ATP8A2: variants seen among roughly 807,000 people sequenced by gnomAD.
ATP8A2 encodes phospholipid-transporting ATPase IB.
ATP8A2 carries 100 observed loss-of-function variants against 165.6 expected under a neutral mutation model. That is an observed-to-expected ratio of 0.60 (90% CI 0.51 to 0.71). ATP8A2 has a LOEUF of 0.71. Among genes scored for constraint, ATP8A2 ranks in the 30% least tolerant of loss-of-function variants. ATP8A2 has a pLI of 0.00. For missense variants in ATP8A2, 1,227 were observed against 1,479.5 expected (o/e 0.83, Z 2.80); for synonymous variants, 543 against 548.8 (o/e 0.99, Z 0.15).
chr13:25,383,959 G>A (rs2032946710), intron 1 of ATP8A2, among the ~76,000 whole-genome samples: 1 of 152,058 alleles, frequency 6.6e-6, no homozygotes, highest in Non-Finnish European at 1.5e-5. Context: ...GTGCTTCCTT[G>A]GGTTTTATTC....
chr13:25,751,086 T>G (rs548728857), intron 25 of ATP8A2, among the ~76,000 whole-genome samples: 2 of 152,338 alleles, frequency 1.3e-5, no homozygotes, highest in Non-Finnish European at 2.9e-5. Context: ...CAAATGTGAT[T>G]TATTTGGTGG....
intron 15 of ATP8A2, among the ~76,000 whole-genome samples, chr13:25,562,267 G>A (rs1296751266): frequency 6.6e-6 from 1 of 152,114 alleles, no homozygotes; most frequent in Non-Finnish European, 1.5e-5. Flanking sequence ...CTTTCTCCAC[G>A]TCCTTGCCAA....
rs145419737 is a variant in ATP8A2 at position 25,967,286 on chromosome 13, G to A, written c.3273-1289G>A. On this transcript the variant is annotated intron_variant, in intron 34 of 36. Coordinates refer to ENST00000381655, the MANE Select transcript of ATP8A2 (RefSeq NM_016529.6). ...ACACTGTTTGATGGAATTAAGTAAG[G>A]TATTATGTGTTAAAGCCTGTGTGGC... is the stretch of plus-strand genomic sequence containing the variant. Among the ~76,000 whole-genome samples, 545 of 152,276 alleles carry A rather than the reference G, an allele frequency of 3.6e-3. 6 individuals carry two copies. The highest frequency in any genetic ancestry group is 0.012 in the African/African-American group (518 of 41,554).
intron 2 of ATP8A2, among the ~76,000 whole-genome samples, chr13:25,523,648 G>A (rs2037741781): frequency 6.6e-6 from 1 of 152,010 alleles, no homozygotes; most frequent in Non-Finnish European, 1.5e-5. Context: ...TGATTTGTTG[G>A]TGCATAATTG....
At chr13:25,756,644 T>C (rs1326115) in intron 25 of ATP8A2, among the ~76,000 whole-genome samples, 20,720 of 152,204 alleles carry the variant, frequency 0.14, 1,539 homozygotes, top group East Asian at 0.22. Context: ...TCAATCTTTC[T>C]GAGCTGGGTT....
chr13:25,883,166 C>A (rs577345830), intron 33 of ATP8A2, among the ~76,000 whole-genome samples: 1 of 152,156 alleles, frequency 6.6e-6, no homozygotes, highest in Admixed American at 6.5e-5. Flanking sequence ...GCCATTCACC[C>A]TCAGCTCCCC....
intron 24 of ATP8A2, among the ~76,000 whole-genome samples, chr13:25,648,480 G>T (rs114801382): frequency 6.6e-6 from 1 of 152,154 alleles, no homozygotes; most frequent in East Asian, 1.9e-4. Context: ...CCTGGCCAAC[G>T]TAGTGAAACC....
intron 25 of ATP8A2, chr13:25,705,149 C>G (rs1179966903): frequency 2.3e-6 from 1 of 431,408 alleles, no homozygotes; most frequent in Non-Finnish European, 4.6e-6. Flanking sequence ...CTCATTTTCC[C>G]TTTTTCTTTG....
intron 1 of ATP8A2, among the ~76,000 whole-genome samples, chr13:25,440,550 C>T (rs549235939): frequency 6.6e-6 from 1 of 152,114 alleles, no homozygotes; most frequent in Admixed American, 6.5e-5. Context: ...GTCACTGCTG[C>T]GTTGTCTTCA....
chr13:25,807,223 C>G (rs1425109470), intron 27 of ATP8A2, among the ~76,000 whole-genome samples: 37 of 150,570 alleles, frequency 2.5e-4, no homozygotes, highest in Non-Finnish European at 4.4e-5. Flanking sequence ...TTCTTTTGTC[C>G]CTTATGCTTT....
chr13:25,804,916 A>G (rs1950697775), intron 27 of ATP8A2, among the ~76,000 whole-genome samples: 1 of 152,172 alleles, frequency 6.6e-6, no homozygotes, highest in African/African-American at 2.4e-5. Context: ...ATGGTTAAAC[A>G]CTGCCAGCAG....
intron 1 of ATP8A2, among the ~76,000 whole-genome samples, chr13:25,432,729 C>A (rs2034649982): frequency 1.3e-5 from 2 of 151,984 alleles, no homozygotes; most frequent in African/African-American, 4.8e-5. Context: ...CAAAGGGAAG[C>A]AGTCTCAGAA....
At chr13:25,841,507 A>G (rs1951746718) in intron 30 of ATP8A2, among the ~76,000 whole-genome samples, 1 of 152,236 alleles carries the variant, frequency 6.6e-6, no homozygotes, top group African/African-American at 2.4e-5. Context: ...TATCAGAACA[A>G]CAGAGGGACA....
chr13:26,007,295 T>C (rs1956762033), intron 35 of ATP8A2, among the ~76,000 whole-genome samples: 1 of 152,124 alleles, frequency 6.6e-6, no homozygotes, highest in Admixed American at 6.5e-5. Flanking sequence ...AAGAGAAGGG[T>C]AAATTGGAAA....
At chr13:25,989,711 A>G (rs2139285162) in intron 35 of ATP8A2, among the ~76,000 whole-genome samples, 1 of 151,502 alleles carries the variant, frequency 6.6e-6, no homozygotes, top group East Asian at 1.9e-4. Flanking sequence ...TTTAAAGTTG[A>G]TCTATATTTA....
intron 23 of ATP8A2, among the ~76,000 whole-genome samples, chr13:25,584,178 C>A (rs927576560): frequency 6.6e-6 from 1 of 151,858 alleles, no homozygotes; most frequent in African/African-American, 2.4e-5. Flanking sequence ...ATTTAAATGT[C>A]GTCTTGTGAT....
At chr13:25,944,245 G>A (rs1002594811) in intron 33 of ATP8A2, among the ~76,000 whole-genome samples, 6 of 152,212 alleles carry the variant, frequency 3.9e-5, no homozygotes, top group Non-Finnish European at 7.3e-5. Flanking sequence ...GGTGGCTCAC[G>A]CCCATAATCC....
At chr13:25,681,046 G>A (rs962508508) in intron 24 of ATP8A2, among the ~76,000 whole-genome samples, 2 of 152,194 alleles carry the variant, frequency 1.3e-5, no homozygotes. Flanking sequence ...TGGAATTGAA[G>A]TGACTAATTC....
At chr13:25,432,884 T>C (rs2034654422) in intron 1 of ATP8A2, among the ~76,000 whole-genome samples, 1 of 152,178 alleles carries the variant, frequency 6.6e-6, no homozygotes, top group African/African-American at 2.4e-5. Context: ...GAGGGTCAGT[T>C]TGTGACCCGT....
Sources: gnomAD v4.1 joint callset for allele counts (sites outside exome capture counted in the v4.1 genomes callset) on GRCh38, gnomAD v4.1.1 for gene constraint, MANE v1.5 for transcripts, NCBI Gene and HGNC (gene_info 2026-07-23, HGNC 2026-07-21) for gene names.